The following XYLT1 variants were observed in gnomAD, a reference collection of about 807,000 sequenced individuals.
XYLT1 encodes xylosyltransferase 1, also known as beta-D-xylosyltransferase 1.
Under a neutral mutation model 91.3 loss-of-function variants are expected in XYLT1, and 36 were observed. The observed-to-expected ratio is 0.39, with a 90% CI of 0.30 to 0.52. The LOEUF is 0.52. XYLT1 is among the 20% of genes least tolerant of loss of function. XYLT1 has a pLI of 0.68. For synonymous variants in XYLT1, 588 were observed against 532.0 expected (o/e 1.11, Z -1.45); for missense variants, 1,242 against 1,284.5 (o/e 0.97, Z 0.51).
intron 5 of XYLT1, among the ~76,000 whole-genome samples, chr16:17,172,469 T>TC (rs1272014662): frequency 2.8e-5 from 4 of 142,308 alleles, no homozygotes; most frequent in Non-Finnish European, 4.6e-5. Flanking sequence ...TTCATTTCTT[T>TC]TTTTTTTTTT....
At chr16:17,131,277 G>GTAATGAAAACTGTTAATGTCTC (rs1229603429) in intron 9 of XYLT1, among the ~76,000 whole-genome samples, 2 of 152,190 alleles carry the variant, frequency 1.3e-5, no homozygotes, top group African/African-American at 4.8e-5. Flanking sequence ...TGGTATCTAA[G>GTAATGAAAACTGTTAATGTCTC]TAATGAAAAC....
At chr16:17,176,332 A>G (rs2031943094) in intron 5 of XYLT1, among the ~76,000 whole-genome samples, 1 of 152,246 alleles carries the variant, frequency 6.6e-6, no homozygotes, top group Admixed American at 6.5e-5. Flanking sequence ...TCTCTGGGTC[A>G]GGCAAGGTGC....
At position 17,259,448 on chromosome 16, in the gene XYLT1, G is replaced by A. The variant is rs1281743109; in HGVS notation, c.453C>T (p.Asn151=). 1.2e-6 allele frequency: 2 copies of A among 1,613,258 alleles called. No homozygotes were observed. The highest frequency in any genetic ancestry group is 2.7e-5 in the African/African-American group (2 of 74,908). Residue 151 remains asparagine, a synonymous_variant, in exon 3 of 12, where the codon AAC becomes AAT. Coordinates refer to ENST00000261381, the MANE Select transcript of XYLT1 (RefSeq NM_022166.4). Reference sequence around the variant, plus strand: ...AGTCTTTGGGGACAGAGTTCTCGTTGTTGCTGTCTGTTCGCACTTTCTCTT... The same window carrying A: ...AGTCTTTGGGGACAGAGTTCTCGTTATTGCTGTCTGTTCGCACTTTCTCTT... ...RPKEKVRTDS[N]NENSVPKDFE... is the part of the protein sequence containing the mutation.
intron 1 of XYLT1, among the ~76,000 whole-genome samples, chr16:17,399,867 T>C (rs752523216): frequency 2.0e-5 from 3 of 152,252 alleles, no homozygotes; most frequent in Admixed American, 1.3e-4. Context: ...CATGTTTTTT[T>C]ACTTCTCAGG....
intron 1 of XYLT1, among the ~76,000 whole-genome samples, chr16:17,385,178 A>G (rs1277088982): frequency 6.6e-6 from 1 of 151,252 alleles, no homozygotes; most frequent in Non-Finnish European, 1.5e-5. Context: ...GTCTTATTGG[A>G]AGTGTCACCT....
intron 8 of XYLT1, 86 bp from the exon 9 acceptor site, chr16:17,134,821 A>G (rs1205354596): frequency 2.0e-6 from 3 of 1,524,302 alleles, no homozygotes; most frequent in African/African-American, 2.8e-5. Flanking sequence ...CTGTGGTTAG[A>G]AGCAAAGCTC....
intron 2 of XYLT1, among the ~76,000 whole-genome samples, chr16:17,342,872 C>A (rs1306322778): frequency 2.0e-5 from 3 of 152,138 alleles, no homozygotes; most frequent in African/African-American, 7.2e-5. Context: ...ATTGAATACA[C>A]TGATCAATAT....
intron 2 of XYLT1, among the ~76,000 whole-genome samples, chr16:17,271,614 T>C (rs1485823498): frequency 6.6e-6 from 1 of 152,206 alleles, no homozygotes; most frequent in Non-Finnish European, 1.5e-5. Flanking sequence ...GGGGCTATCT[T>C]GTACATTGCA....
chr16:17,314,863 A>G (rs1284745661), intron 2 of XYLT1, among the ~76,000 whole-genome samples: 1 of 152,194 alleles, frequency 6.6e-6, no homozygotes, highest in East Asian at 1.9e-4. Flanking sequence ...AGAAAAAGAG[A>G]AAAGTTCAGT....
At chr16:17,465,707 G>A (rs1458079471) in intron 1 of XYLT1, among the ~76,000 whole-genome samples, 1 of 152,014 alleles carries the variant, frequency 6.6e-6, no homozygotes, top group Non-Finnish European at 1.5e-5. Context: ...TCATTCTACT[G>A]CCTTGGATTT....
chr16:17,269,551 G>T (rs1276479058), intron 2 of XYLT1, among the ~76,000 whole-genome samples: 1 of 152,166 alleles, frequency 6.6e-6, no homozygotes, highest in African/African-American at 2.4e-5. Context: ...TAAAGTGACT[G>T]CTTTAGAAAA....
intron 2 of XYLT1, among the ~76,000 whole-genome samples, chr16:17,317,314 C>A (rs1254352585): frequency 2.6e-5 from 4 of 151,928 alleles, no homozygotes; most frequent in Non-Finnish European, 4.4e-5. Context: ...TAAATGAATG[C>A]CCAAATTAAA....
At chr16:17,241,154 T>C (rs1296746507) in intron 3 of XYLT1, among the ~76,000 whole-genome samples, 1 of 152,244 alleles carries the variant, frequency 6.6e-6, no homozygotes, top group Non-Finnish European at 1.5e-5. Flanking sequence ...AAATGCATTA[T>C]TAATCAGCCA....
At chr16:17,109,294 C>T (rs1966822067) in intron 11 of XYLT1, among the ~76,000 whole-genome samples, 1 of 152,172 alleles carries the variant, frequency 6.6e-6, no homozygotes, top group Admixed American at 6.5e-5. Flanking sequence ...ACTGATTCAG[C>T]CAATATATAT....
intron 3 of XYLT1, among the ~76,000 whole-genome samples, chr16:17,217,379 A>C (rs11075342): frequency 0.63 from 95,853 of 152,030 alleles, 30,704 homozygotes; most frequent in East Asian, 0.93. Flanking sequence ...GTAAAAAAAA[A>C]CCCAGATATT....
At chr16:17,336,899 G>A (rs1378129513) in intron 2 of XYLT1, among the ~76,000 whole-genome samples, 1 of 152,176 alleles carries the variant, frequency 6.6e-6, no homozygotes, top group East Asian at 1.9e-4. Flanking sequence ...AGGGCTCCCT[G>A]GCCTGCACAA....
chr16:17,162,355 A>C (rs1567302632), intron 5 of XYLT1, among the ~76,000 whole-genome samples: 2 of 151,514 alleles, frequency 1.3e-5, no homozygotes, highest in Admixed American at 6.6e-5. Context: ...GGTTGCAGTG[A>C]ACACAGATCG....
At chr16:17,261,198 G>A (rs1364203267) in intron 2 of XYLT1, among the ~76,000 whole-genome samples, 2 of 143,552 alleles carry the variant, frequency 1.4e-5, no homozygotes, top group Non-Finnish European at 3.0e-5. Flanking sequence ...AGCTGAGATT[G>A]CACCAATGTA....
Position 17,259,300 on chromosome 16 carries a change from C to G in XYLT1, c.601G>C (p.Glu201Gln). 6.2e-7 allele frequency: 1 copy of G among 1,614,136 alleles called. No individual in the cohort carries two copies. The highest frequency in any genetic ancestry group is 1.1e-5 in the South Asian group (1 of 91,080). ...GGGAATGTATGTCCTTTTCCTTTCTCCTGCTGTTCCAGCTTCCTTTTCAAA... is the reference window on the plus strand; with the variant it reads ...GGGAATGTATGTCCTTTTCCTTTCTGCTGCTGTTCCAGCTTCCTTTTCAAA... ...ELLKRKLEQQ[E>Q]KGKGHTFPGK... The change falls in exon 3 of 12, where the codon GAG (glutamate) becomes CAG (glutamine). Residue 201 changes from glutamate to glutamine, a missense_variant. Transcript: ENST00000261381.
Sources: gnomAD v4.1 joint callset for allele counts (sites outside exome capture counted in the v4.1 genomes callset) on GRCh38, gnomAD v4.1.1 for gene constraint, MANE v1.5 for transcripts, NCBI Gene and HGNC (gene_info 2026-07-23, HGNC 2026-07-21) for gene names.